SRFBP1: variants seen among roughly 807,000 people sequenced by gnomAD.
SRFBP1 encodes serum response factor-binding protein 1.
SRFBP1 carries 47 observed loss-of-function variants against 45.5 expected under a neutral mutation model. The ratio of observed to expected loss-of-function variants is 1.03; its 90% CI spans 0.82 to 1.32. The LOEUF (loss-of-function observed/expected upper bound fraction) is 1.32, where lower values mean the gene tolerates loss of function less well. SRFBP1 is among the 40% of genes most tolerant of loss of function. The probability of loss-of-function intolerance (pLI) is 0.00; values close to 1 mark genes in which losing one functional copy is unlikely to be tolerated. For synonymous variants in SRFBP1, 203 were observed against 166.3 expected (o/e 1.22, Z -1.70); for missense variants, 621 against 484.6 (o/e 1.28, Z -2.64).
intron 2 of SRFBP1, among the ~76,000 whole-genome samples, chr5:122,044,254 G>C (rs1413731477): frequency 6.6e-6 from 1 of 152,144 alleles, no homozygotes; most frequent in Admixed American, 6.6e-5. Context: ...TCTAACATTG[G>C]TGATCATTTA....
chr5:121,978,662 T>C (rs1289436791), intron 3 of SRFBP1, among the ~76,000 whole-genome samples: 2 of 152,126 alleles, frequency 1.3e-5, no homozygotes, highest in Non-Finnish European at 2.9e-5. Context: ...TGGCTAACTT[T>C]TGTATTTTTA....
chr5:122,043,559 C>G (rs1406717050), intron 2 of SRFBP1, among the ~76,000 whole-genome samples: 1 of 152,178 alleles, frequency 6.6e-6, no homozygotes, highest in East Asian at 1.9e-4. Context: ...CAAGTCAGCT[C>G]TCAGTCACAT....
intron 3 of SRFBP1, among the ~76,000 whole-genome samples, chr5:121,982,247 A>T (rs1374291858): frequency 1.3e-5 from 2 of 151,912 alleles, no homozygotes; most frequent in African/African-American, 2.4e-5. Flanking sequence ...AGCCTTCTGT[A>T]CTTAACTGTG....
chr5:122,054,155 C>T (rs1376931070), intron 2 of SRFBP1, among the ~76,000 whole-genome samples: 1 of 152,234 alleles, frequency 6.6e-6, no homozygotes, highest in Non-Finnish European at 1.5e-5. Flanking sequence ...GTAGAGGTCC[C>T]TTTGGACTTG....
chr5:122,059,924 G>A (rs924929440), intron 2 of SRFBP1, among the ~76,000 whole-genome samples: 4 of 152,108 alleles, frequency 2.6e-5, no homozygotes, highest in African/African-American at 9.7e-5. Context: ...GCAAAAGCTT[G>A]AAAGAATGGT....
intron 3 of SRFBP1, among the ~76,000 whole-genome samples, chr5:121,988,428 G>A (rs892945460): frequency 6.6e-6 from 1 of 152,142 alleles, no homozygotes; most frequent in Non-Finnish European, 1.5e-5. Flanking sequence ...CAAGGATACA[G>A]ATTAAAATCA....
intron 4 of SRFBP1, among the ~76,000 whole-genome samples, chr5:122,009,609 T>G (rs1282985762): frequency 1.3e-5 from 2 of 152,208 alleles, no homozygotes; most frequent in East Asian, 3.8e-4. Context: ...TAGTTCTTGG[T>G]AAGTTTTCCG....
chr5:122,001,830 G>A (rs1331850616), intron 4 of SRFBP1, among the ~76,000 whole-genome samples: 1 of 151,938 alleles, frequency 6.6e-6, no homozygotes, highest in South Asian at 2.1e-4. Context: ...CAAAGTGCTG[G>A]GATTACAGGC....
At position 122,004,616 on chromosome 5, in the gene SRFBP1, G is replaced by T. The variant is rs527560577; in HGVS notation, c.270+9946G>T. 4.9e-4 allele frequency among the ~76,000 whole-genome samples: 74 copies of T among 151,888 alleles called. 1 individual carries two copies. Among genetic ancestry groups the T allele is most frequent in the African/African-American group, 1.8e-3 (73 of 41,440 alleles). Reference sequence around the variant, plus strand: ...TTTATATCTTCAAAAACCAACTCTTGGTTTTGTTGATCTCCTCTTGTTTTT... The same window carrying T: ...TTTATATCTTCAAAAACCAACTCTTTGTTTTGTTGATCTCCTCTTGTTTTT... On this transcript the variant is annotated intron_variant, in intron 4 of 7. Coordinates refer to ENST00000339397, the MANE Select transcript of SRFBP1 (RefSeq NM_152546.3).
chr5:122,050,669 A>G (rs189148894), intron 2 of SRFBP1, among the ~76,000 whole-genome samples: 2 of 151,970 alleles, frequency 1.3e-5, no homozygotes, highest in East Asian at 1.9e-4. Flanking sequence ...CCAGTGGTCT[A>G]TTTCTCTTAT....
downstream of SRFBP1, chr5:122,077,293 G>C: frequency 6.2e-7 from 1 of 1,604,138 alleles, no homozygotes; most frequent in Non-Finnish European, 8.5e-7. The surrounding 1 kb of genome is among the most constrained non-coding windows in gnomAD (Gnocchi z 4.9). Flanking sequence ...CAGCCACGTC[G>C]AGAAGCCACA....
chr5:122,021,720 AG>A (rs1183246369), intron 6 of SRFBP1, among the ~76,000 whole-genome samples: 3 of 121,704 alleles, frequency 2.5e-5, no homozygotes, highest in Non-Finnish European at 4.7e-5. Context: ...TCTATCACCC[AG>A]GCTGGAGTGC....
chr5:122,000,143 T>C (rs1431743530), intron 4 of SRFBP1, among the ~76,000 whole-genome samples: 1 of 152,094 alleles, frequency 6.6e-6, no homozygotes, highest in Non-Finnish European at 1.5e-5. Flanking sequence ...ACACCTTTAA[T>C]TAACCAAAAT....
chr5:122,075,623 T>C, downstream of SRFBP1: 1 of 896,392 alleles, frequency 1.1e-6, no homozygotes, highest in African/African-American at 1.7e-5. Flanking sequence ...ATCCATTATA[T>C]AGTAGTGACA....
chr5:122,073,410 C>G (rs1247689728), intron 2 of SRFBP1, among the ~76,000 whole-genome samples: 1 of 152,132 alleles, frequency 6.6e-6, no homozygotes, highest in African/African-American at 2.4e-5. Flanking sequence ...TCCTTCTGCT[C>G]TTATTTGCAT....
chr5:121,985,354 T>C (rs899568975), intron 3 of SRFBP1, among the ~76,000 whole-genome samples: 7 of 151,604 alleles, frequency 4.6e-5, no homozygotes, highest in African/African-American at 1.2e-4. Flanking sequence ...CTTTTTTACA[T>C]TGTAAAGGAA....
Position 122,020,773 on chromosome 5 carries a change from C to A in SRFBP1, c.1038C>A (p.His346Gln). Reference sequence around the variant, plus strand: ...GAAAGTTAGAATCAGTGTTTTTCCACTCTTTATCTGGATCTAAAAGCTCTA... The same window carrying A: ...GAAAGTTAGAATCAGTGTTTTTCCAATCTTTATCTGGATCTAAAAGCTCTA... ...ETRKLESVFF[H>Q]SLSGSKSSRR... The change falls in exon 6 of 8, where the codon CAC becomes CAA. Residue 346 changes from histidine to glutamine, a missense_variant. Transcript: ENST00000339397. The A allele has an allele frequency of 6.3e-7, 1 of 1,584,524 alleles. No individual in the cohort carries two copies. The highest frequency in any genetic ancestry group is 8.5e-7 in the Non-Finnish European group (1 of 1,169,860).
At chr5:122,071,481 C>G (rs1754451460) in intron 2 of SRFBP1, among the ~76,000 whole-genome samples, 1 of 152,264 alleles carries the variant, frequency 6.6e-6, no homozygotes, top group Non-Finnish European at 1.5e-5. Flanking sequence ...AATGCCACAT[C>G]ACTCCACTTG....
chr5:121,979,535 C>T (rs1034949237), intron 3 of SRFBP1, among the ~76,000 whole-genome samples: 1 of 152,112 alleles, frequency 6.6e-6, no homozygotes, highest in African/African-American at 2.4e-5. Flanking sequence ...TTAAAAGTAT[C>T]GTTAATCTTA....
Sources: allele counts gnomAD v4.1 joint callset (sites outside exome capture counted in the v4.1 genomes callset), GRCh38; gene constraint gnomAD v4.1.1; non-coding constraint Gnocchi (gnomAD v3.1); transcripts MANE v1.5; gene names NCBI Gene and HGNC (gene_info 2026-07-23, HGNC 2026-07-21).